ROCK2: variants seen among roughly 807,000 people sequenced by gnomAD.
ROCK2 encodes the protein rho-associated protein kinase 2.
Under a neutral mutation model 195.1 loss-of-function variants are expected in ROCK2, and 61 were observed. That is an observed-to-expected ratio of 0.31 (90% CI 0.25 to 0.39). The LOEUF (loss-of-function observed/expected upper bound fraction) is 0.39. Among genes scored for constraint, ROCK2 ranks in the 10% least tolerant of loss-of-function variants. The pLI is 1.00. For synonymous variants in ROCK2, 504 were observed against 545.5 expected, an observed-to-expected ratio of 0.92 and a Z score of 1.06; for missense variants, 1,109 against 1,637.4, an observed-to-expected ratio of 0.68 and a Z score of 5.57.
rs1202456565 is a variant in ROCK2 at position 11,180,929 on chromosome 2, T to C, written c.*2508A>G. On this transcript the variant is annotated 3_prime_UTR_variant, in exon 33 of 33. Coordinates refer to ENST00000315872, the MANE Select transcript of ROCK2 (RefSeq NM_004850.5). ...TTTTCATTAGTTGGACAAACAACCT[T>C]ATAAACCCTTATGTCAAACCATATA... 1 of 152,110 alleles carries C rather than the reference T, an allele frequency of 6.6e-6. No homozygotes were observed. Among genetic ancestry groups the C allele is most frequent in the African/African-American group, 2.4e-5 (1 of 41,424 alleles). 9.4% of individuals were successfully genotyped at this position (152,110 alleles called of 1,614,324 possible). A position where few individuals can be genotyped will look rare whatever the true frequency, so the allele number is the denominator to read the frequency against.
intron 23 of ROCK2, among the ~76,000 whole-genome samples, chr2:11,200,112 G>T (rs567102399): frequency 6.6e-6 from 1 of 152,098 alleles, no homozygotes; most frequent in South Asian, 2.1e-4. Flanking sequence ...ATATATTTAG[G>T]TTTTCTCTTT....
At chr2:11,315,370 C>T (rs1051189212) in intron 1 of ROCK2, among the ~76,000 whole-genome samples, 1 of 151,824 alleles carries the variant, frequency 6.6e-6, no homozygotes. Context: ...CATATAGAAA[C>T]TCTTATGCTA....
At chr2:11,304,670 T>C (rs973570348) in intron 1 of ROCK2, among the ~76,000 whole-genome samples, 7 of 152,208 alleles carry the variant, frequency 4.6e-5, no homozygotes, top group Non-Finnish European at 8.8e-5. Flanking sequence ...ATTCCCAGCC[T>C]TTGAGTCTAT....
intron 6 of ROCK2, among the ~76,000 whole-genome samples, chr2:11,224,951 A>G (rs1263869297): frequency 6.6e-6 from 1 of 152,228 alleles, no homozygotes; most frequent in Non-Finnish European, 1.5e-5. Context: ...TAGTTATACT[A>G]GCCACATTTT....
chr2:11,281,230 A>C (rs867718772), intron 3 of ROCK2, among the ~76,000 whole-genome samples: 3 of 151,280 alleles, frequency 2.0e-5, no homozygotes, highest in Non-Finnish European at 4.4e-5. Flanking sequence ...AAAAAAAAAA[A>C]ACCTCAGTAC....
chr2:11,243,964 T>C (rs993454073), intron 4 of ROCK2, among the ~76,000 whole-genome samples: 2 of 152,146 alleles, frequency 1.3e-5, no homozygotes, highest in Non-Finnish European at 2.9e-5. Context: ...CAATCATACG[T>C]TAGTGGATAA....
intron 20 of ROCK2, among the ~76,000 whole-genome samples, chr2:11,204,953 G>A (rs189875058): frequency 2.0e-5 from 3 of 152,156 alleles, no homozygotes; most frequent in Admixed American, 2.0e-4. Flanking sequence ...CAAATGTTTA[G>A]TGATACTTGG....
chr2:11,344,053 C>T lies in ROCK2; in HGVS notation c.84G>A (p.Arg28=). 2.5e-6 allele frequency: 4 copies of T among 1,586,728 alleles called. No individual in the cohort carries two copies. Among genetic ancestry groups the T allele is most frequent in the Non-Finnish European group, 2.6e-6 (3 of 1,168,180 alleles). Residue 28 remains arginine (R), a synonymous_variant, in exon 1 of 33, where the codon AGG becomes AGA. Coordinates refer to ENST00000315872, the MANE Select transcript of ROCK2 (RefSeq NM_004850.5). The surrounding 1 kb of genome is among the most constrained non-coding windows in gnomAD (Gnocchi z 5.4). ...GGTCTCGGATCAGCGCCTCCAGCTT[C>T]CTCTGGCGGCTCGCGCCTGCCCCGT... The part of the protein sequence containing the change: ...PGDGAGASRQ[R]KLEALIRDPR...
chr2:11,257,862 GGAGTGAT>G (rs1336683816), intron 3 of ROCK2, among the ~76,000 whole-genome samples: 2 of 151,372 alleles, frequency 1.3e-5, no homozygotes, highest in Non-Finnish European at 2.9e-5. Flanking sequence ...ACTGAATAAT[GGAGTGAT>G]GTATTCTCAA....
rs201939803 is a variant in ROCK2 at position 11,249,716 on chromosome 2, A to C, written c.407T>G (p.Phe136Cys). 1,114 of 1,585,758 alleles carry C rather than the reference A, an allele frequency of 7.0e-4. 1 individual carries two copies. Among genetic ancestry groups the C allele is most frequent in the Non-Finnish European group, 7.4e-4 (870 of 1,167,844 alleles). ...CATAATATCTCTTTCTTCCCAAAAAAAGGCAGAATCTGATCTTTTTATCAT... is the reference window on the plus strand; with the variant it reads ...CATAATATCTCTTTCTTCCCAAAAACAGGCAGAATCTGATCTTTTTATCAT... ...FEMIKRSDSA[F>C]FWEERDIMAF... The change falls in exon 4 of 33, where the codon TTT becomes TGT. Residue 136 changes from phenylalanine (F) to cysteine (C), a missense_variant. By Grantham distance (205) the Phe-to-Cys change is radical (BLOSUM62 -2). Transcript: ENST00000315872.
Position 11,283,456 on chromosome 2 carries a change from G to A in ROCK2, c.324+3083C>T, listed in dbSNP as rs1667080427. On this transcript the variant is annotated intron_variant, in intron 3 of 32. Transcript: ENST00000315872. ...GGCGCCTGTAGTCCCAGCTACTCGG[G>A]AGGCTGAGGCAGGAGAATGGCGTGA... Among the ~76,000 whole-genome samples the A allele has an allele frequency of 2.0e-5, 3 of 149,536 alleles. No individual in the cohort carries two copies. In the South Asian group the frequency reaches 6.4e-4, roughly 32 times the overall value.
intron 32 of ROCK2, among the ~76,000 whole-genome samples, chr2:11,188,612 ATTTTATTTTTATTT>A (rs1331670354): frequency 8.6e-6 from 1 of 116,600 alleles, no homozygotes; most frequent in Non-Finnish European, 2.1e-5. Flanking sequence ...TTCTAGTCTT[ATTTTATTTTTATTT>A]TTTTATTTTT....
intron 1 of ROCK2, among the ~76,000 whole-genome samples, chr2:11,328,652 G>C (rs1032318266): frequency 2.0e-5 from 3 of 152,038 alleles, no homozygotes; most frequent in Admixed American, 6.5e-5. Context: ...CAACAGCAAA[G>C]ACTTGGAACC....
At chr2:11,326,242 G>GA (rs1553319126) in intron 1 of ROCK2, among the ~76,000 whole-genome samples, 4 of 151,316 alleles carry the variant, frequency 2.6e-5, no homozygotes. Flanking sequence ...AAAAAAAAAA[G>GA]TAAGGAACAT....
chr2:11,233,238 T>G (rs1195365279), intron 5 of ROCK2, among the ~76,000 whole-genome samples: 2 of 152,160 alleles, frequency 1.3e-5, no homozygotes, highest in African/African-American at 4.8e-5. Flanking sequence ...AAGATTAATG[T>G]AATTTTTACA....
rs547512303 is a variant in ROCK2, at chr2:11,264,410, G to C, written c.325-14612C>G. Among the ~76,000 whole-genome samples, 766 of 152,276 alleles carry C rather than the reference G, an allele frequency of 5.0e-3. 4 individuals are homozygous for C. The highest frequency in any genetic ancestry group is 0.018 in the African/African-American group (750 of 41,550). ...GAGTTGACAGAAAAAAGAGTAATCA[G>C]TGATGACTCCTAATTTTTTGACTTG... is the stretch of plus-strand genomic sequence containing the variant. On this transcript the variant is annotated intron_variant, in intron 3 of 32. Coordinates refer to ENST00000315872, the MANE Select transcript of ROCK2 (RefSeq NM_004850.5).
At chr2:11,317,593 TATATATATATATATATA>T (rs1363153305) in intron 1 of ROCK2, among the ~76,000 whole-genome samples, 14 of 14,506 alleles carry the variant, frequency 9.7e-4, no homozygotes, top group Admixed American at 1.4e-3. Flanking sequence ...TATATATATA[TATATATATATATATATA>T]TATTTTTTTT....
chr2:11,198,883 CTT>C (rs34674935), intron 23 of ROCK2, 109 bp from the exon 24 acceptor site: 4,356 of 474,952 alleles, frequency 9.2e-3, no homozygotes, highest in Middle Eastern at 0.012. Flanking sequence ...TCTTATTTTT[CTT>C]TTTTTTTTTT....
At chr2:11,216,618 G>A (rs1035099517) in intron 12 of ROCK2, among the ~76,000 whole-genome samples, 1 of 148,740 alleles carries the variant, frequency 6.7e-6, no homozygotes, top group Non-Finnish European at 1.5e-5. Flanking sequence ...TCAAGCGACT[G>A]TCCCGCCTCA....
Sources: gnomAD v4.1 joint callset for allele counts (sites outside exome capture counted in the v4.1 genomes callset) on GRCh38, gnomAD v4.1.1 for gene constraint, Gnocchi (gnomAD v3.1) non-coding constraint, MANE v1.5 for transcripts, NCBI Gene and HGNC (gene_info 2026-07-23, HGNC 2026-07-21) for gene names.